Variants in CYP4F11 observed in about 807,000 individuals in gnomAD.
CYP4F11 encodes cytochrome P450 4F11.
Under a neutral mutation model 62.2 loss-of-function variants are expected in CYP4F11, and 79 were observed. That is an observed-to-expected ratio of 1.27 (90% CI 1.06 to 1.53). The LOEUF is 1.53. CYP4F11 is among the 40% of genes most tolerant of loss of function. The pLI is 0.00. For synonymous variants in CYP4F11, 290 were observed against 263.7 expected, an observed-to-expected ratio of 1.10 and a Z score of -0.97; for missense variants, 777 against 680.5, an observed-to-expected ratio of 1.14 and a Z score of -1.58.
At chr19:15,913,958 G>T in intron 11 of CYP4F11, 49 bp from the exon 12 acceptor site, 1 of 1,571,020 alleles carries the variant, frequency 6.4e-7, no homozygotes, top group Non-Finnish European at 8.6e-7. Flanking sequence ...CCCCCATCCC[G>T]GCCCCATCAT....
At chr19:15,928,586 C>T (rs7257425) in intron 2 of CYP4F11, among the ~76,000 whole-genome samples, 82,498 of 152,014 alleles carry the variant, frequency 0.54, 22,946 homozygotes, top group Non-Finnish European at 0.6. Context: ...CCACATGAGT[C>T]TGAGTTTCCA....
At chr19:15,933,689 A>G (rs373605000) in intron 1 of CYP4F11, among the ~76,000 whole-genome samples, 1 of 2,464 alleles carries the variant, frequency 4.1e-4, no homozygotes, top group Non-Finnish European at 7.0e-4. Flanking sequence ...AGTGAGGAGA[A>G]GAATGAGTGA....
At position 15,924,872 on chromosome 19, in the gene CYP4F11, T is replaced by C. The variant is rs1326543080; in HGVS notation, c.536A>G (p.Gln179Arg). Reference sequence around the variant, plus strand: ...GGCGCTGCCCTCTGAGGCCAGGCGCTGCCACTTGTCCTGGCCAGAGAAAAA... The same window carrying C: ...GGCGCTGCCCTCTGAGGCCAGGCGCCGCCACTTGTCCTGGCCAGAGAAAAA... ...KSVNIMHDKW[Q>R]RLASEGSARL... Residue 179 changes from glutamine (Q) to arginine (R), a missense_variant, in exon 5 of 12, where the codon CAG (glutamine) becomes CGG (arginine). By Grantham distance (43) the Gln-to-Arg change is conservative. Transcript: ENST00000402119. 22 of 1,611,330 alleles carry C rather than the reference T, an allele frequency of 1.4e-5. No homozygotes were observed. The highest frequency in any genetic ancestry group is 1.8e-5 in the Non-Finnish European group (21 of 1,178,346).
intron 8 of CYP4F11, among the ~76,000 whole-genome samples, chr19:15,917,639 A>G (rs544904669): frequency 6.6e-6 from 1 of 152,324 alleles, no homozygotes; most frequent in African/African-American, 2.4e-5. Context: ...TTGGCTTCAT[A>G]TAAACTAACC....
chr19:15,934,041 C>G (rs79658799), intron 1 of CYP4F11, among the ~76,000 whole-genome samples, 170 bp downstream of exon 1: 1 of 88,592 alleles, frequency 1.1e-5, no homozygotes, highest in Non-Finnish European at 2.2e-5. Flanking sequence ...AATGAGTGAG[C>G]GGGGAGAGGA....
chr19:15,915,022 G>A, intron 8 of CYP4F11, 127 bp from the exon 9 acceptor site: 8 of 1,414,806 alleles, frequency 5.7e-6, no homozygotes, highest in South Asian at 3.2e-5. Context: ...AAATACTGGA[G>A]AATTTAAAAA....
Position 15,913,750 on chromosome 19 carries a change from CA to C in CYP4F11, c.1556del (p.Leu519ArgfsTer29), listed in dbSNP as rs1465051957. ...EGGLWLRVEPLGANSQ is the reference protein window; with the variant it reads ...EGGLWLRVEPXGANSQ ...AGGACAGTCACTGTGAGTTCGCACC[CA>C]GGGGCTCCACCCGCAGCCAAAGTCC... On this transcript the variant is annotated frameshift_variant, in exon 12 of 12. Coordinates refer to ENST00000402119, the MANE Select transcript of CYP4F11 (RefSeq NM_021187.4). LOFTEE classifies it high-confidence loss of function. The C allele has an allele frequency of 5.6e-6, 9 of 1,614,162 alleles. No individual in the cohort carries two copies. Among genetic ancestry groups the C allele is most frequent in the Non-Finnish European group, 5.1e-6 (6 of 1,180,012 alleles).
chr19:15,919,486 A>AGAT (rs1281438092), intron 8 of CYP4F11, among the ~76,000 whole-genome samples: 3 of 109,560 alleles, frequency 2.7e-5, no homozygotes, highest in African/African-American at 6.5e-5. Flanking sequence ...ATAGATAGAT[A>AGAT]GATAGATAGA....
intron 1 of CYP4F11, 31 bp downstream of exon 1, chr19:15,934,180 G>T (rs775929719): frequency 2.5e-6 from 4 of 1,609,150 alleles, no homozygotes; most frequent in South Asian, 1.1e-5. Context: ...TGCATCCTGA[G>T]ACCCCAGACC....
chr19:15,934,573 C>CA, upstream of CYP4F11: 2 of 774,932 alleles, frequency 2.6e-6, no homozygotes, highest in South Asian at 4.6e-5. Context: ...CAGAAATGCC[C>CA]AATGAAAACC....
chr19:15,927,531 G>A (rs1349763572), intron 2 of CYP4F11, 48 bp from the exon 3 acceptor site: 7 of 1,610,432 alleles, frequency 4.3e-6, no homozygotes, highest in African/African-American at 1.3e-5. Flanking sequence ...GGTGAGAGAA[G>A]GACTTTGGGT....
Position 15,913,669 on chromosome 19 carries a change from G to A in CYP4F11, c.*63C>T. 1 of 1,599,896 alleles carries A rather than the reference G, an allele frequency of 6.3e-7. No individual in the cohort carries two copies. The highest frequency in any genetic ancestry group is 1.7e-5 in the Admixed American group (1 of 59,182). ...CATGCTGGCTGTCAACGAGGCTCAA[G>A]CAGAGGTGTCAGCATAGTTTTGTTT... On this transcript the variant is annotated 3_prime_UTR_variant, in exon 12 of 12. Coordinates refer to ENST00000402119, the MANE Select transcript of CYP4F11 (RefSeq NM_021187.4).
rs1223464164 is a variant in CYP4F11, at chr19:15,931,705, G to A, written c.199-2104C>T. 8.3e-4 allele frequency among the ~76,000 whole-genome samples: 46 copies of A among 55,108 alleles called. 3 individuals carry two copies. Among genetic ancestry groups the A allele is most frequent in the African/African-American group, 4.1e-3 (40 of 9,676 alleles). The allele number at this position is 55,108 out of a possible 152,430, so 36.2% of individuals were successfully genotyped here. On this transcript the variant is annotated intron_variant, in intron 1 of 11. Coordinates refer to ENST00000402119, the MANE Select transcript of CYP4F11 (RefSeq NM_021187.4). The stretch of plus-strand genomic sequence containing the variant: ...GCGAGGAGAGGAATGAGTGAGCGAG[G>A]AGAGGAATGAGTGAGCGAGGAGAGG...
rs1328249409 is a variant in CYP4F11, at chr19:15,912,693, ATATATGTGTG to A, written c.*1029_*1038del. On this transcript the variant is annotated 3_prime_UTR_variant, in exon 12 of 12. Coordinates refer to ENST00000402119, the MANE Select transcript of CYP4F11 (RefSeq NM_021187.4). ...GAAAAAAAAAAAAATATATATATAT[ATATATGTGTG>A]TGTGTGTGTGTGTGTGTGTGTGTGT... 3.5e-3 allele frequency: 151 copies of A among 42,766 alleles called. 2 individuals carry two copies. Among genetic ancestry groups the A allele is most frequent in the African/African-American group, 9.9e-3 (127 of 12,784 alleles). The allele number at this position is 42,766 out of a possible 1,614,324, so 2.6% of individuals were successfully genotyped here.
At chr19:15,931,583 A>AGGAGAGGAATGAGTGAGCGG (rs2089721592) in intron 1 of CYP4F11, among the ~76,000 whole-genome samples, 1 of 88,918 alleles carries the variant, frequency 1.1e-5, no homozygotes, top group East Asian at 3.7e-4. Flanking sequence ...TGAGTGAGCG[A>AGGAGAGGAATGAGTGAGCGG]GGAGAGGAAT....
intron 8 of CYP4F11, among the ~76,000 whole-genome samples, chr19:15,918,289 G>T (rs752303686): frequency 9.2e-5 from 14 of 152,130 alleles, no homozygotes; most frequent in Non-Finnish European, 2.1e-4. Flanking sequence ...CCTGTCACAG[G>T]GAGGGGTTGG....
Position 15,922,183 on chromosome 19 carries a change from C to T in CYP4F11, c.986-17G>A. The T allele has an allele frequency of 6.2e-7, 1 of 1,604,482 alleles. No homozygotes were observed. Among genetic ancestry groups the T allele is most frequent in the East Asian group, 2.2e-5 (1 of 44,850 alleles). Reference sequence around the variant, plus strand: ...TGTCATGGCCTGAGGGGCAGCCAAGCAAAACTGGGTTTCTGGGCTGCTTCA... The same window carrying T: ...TGTCATGGCCTGAGGGGCAGCCAAGTAAAACTGGGTTTCTGGGCTGCTTCA... On this transcript the variant is annotated splice_polypyrimidine_tract_variant and intron_variant, in intron 7 of 11. Transcript: ENST00000402119.
In CYP4F11 at chr19:15,927,157, C is replaced by T. The variant is rs2145052324; in HGVS notation, c.525+55G>A. The T allele has an allele frequency of 2.5e-6, 4 of 1,590,848 alleles. No homozygotes were observed. The South Asian group carries it at 4.6e-5, about 18-fold the overall frequency. ...AACCAAAATTCCAGAGCAGATATGC[C>T]TGTGGTCCCTCTACCCCAAGGCTCC... is the stretch of plus-strand genomic sequence containing the variant. On this transcript the variant is annotated intron_variant, in intron 4 of 11. Coordinates refer to ENST00000402119, the MANE Select transcript of CYP4F11 (RefSeq NM_021187.4).
In CYP4F11 at chr19:15,913,838, C is replaced by T. The variant is rs770289390; in HGVS notation, c.1469G>A (p.Arg490His). 1.3e-5 allele frequency: 21 copies of T among 1,614,104 alleles called. No homozygotes were observed. The South Asian group carries it at 1.8e-4, about 14-fold the overall frequency. Reference sequence around the variant, plus strand: ...GGGTTCAGTGTGGGTCGGCAGGATGCGGAAGTGCAGCAGGGTGAGCGCCAG... The same window carrying T: ...GGGTTCAGTGTGGGTCGGCAGGATGTGGAAGTGCAGCAGGGTGAGCGCCAG... ...VVLALTLLHF[R>H]ILPTHTEPRR... is the part of the protein sequence containing the mutation. Residue 490 changes from arginine (R) to histidine (H), a missense_variant, in exon 12 of 12, where the codon CGC (arginine) becomes CAC (histidine). Coordinates refer to ENST00000402119, the MANE Select transcript of CYP4F11 (RefSeq NM_021187.4).
Sources: gnomAD v4.1 joint callset for allele counts (sites outside exome capture counted in the v4.1 genomes callset) on GRCh38, gnomAD v4.1.1 for gene constraint, MANE v1.5 for transcripts, NCBI Gene and HGNC (gene_info 2026-07-23, HGNC 2026-07-21) for gene names.